SPIDR: variants seen among roughly 807,000 people sequenced by gnomAD.
SPIDR encodes the protein scaffold protein involved in DNA repair, also known as DNA repair-scaffolding protein.
In SPIDR, 93 loss-of-function variants were observed where a neutral mutation model predicts 104.6. That is an observed-to-expected ratio of 0.89 (90% CI 0.75 to 1.06). SPIDR has a LOEUF of 1.06. Ranked by LOEUF, SPIDR falls within the 50% of genes least tolerant of loss-of-function variation. The probability of loss-of-function intolerance (pLI) is 0.00; values close to 1 mark genes in which losing one functional copy is unlikely to be tolerated. For missense variants in SPIDR, 1,154 were observed against 1,111.2 expected (o/e 1.04, Z -0.55); for synonymous variants, 431 against 416.9 (o/e 1.03, Z -0.41).
chr8:47,542,697 C>T (rs2088461293), intron 8 of SPIDR, among the ~76,000 whole-genome samples: 1 of 152,080 alleles, frequency 6.6e-6, no homozygotes, highest in African/African-American at 2.4e-5. Flanking sequence ...CCTATGTATC[C>T]TTTACCCAGT....
At chr8:47,284,504 T>G (rs1305762778) in intron 3 of SPIDR, among the ~76,000 whole-genome samples, 1 of 152,186 alleles carries the variant, frequency 6.6e-6, no homozygotes, top group Non-Finnish European at 1.5e-5. Flanking sequence ...TCTTGATGAA[T>G]TAGGGAACTT....
chr8:47,417,422 C>T (rs1382369767), intron 7 of SPIDR, among the ~76,000 whole-genome samples: 1 of 152,172 alleles, frequency 6.6e-6, no homozygotes, highest in African/African-American at 2.4e-5. Flanking sequence ...GCATAAATGT[C>T]TTCTTGTGAG....
chr8:47,309,097 A>G (rs901005846), intron 5 of SPIDR, among the ~76,000 whole-genome samples: 1 of 152,204 alleles, frequency 6.6e-6, no homozygotes, highest in Non-Finnish European at 1.5e-5. Flanking sequence ...TAAGTTACCT[A>G]TAGTTGAAAG....
At chr8:47,716,439 T>A (rs1345318774) in intron 16 of SPIDR, among the ~76,000 whole-genome samples, 1 of 152,254 alleles carries the variant, frequency 6.6e-6, no homozygotes, top group Non-Finnish European at 1.5e-5. Context: ...TTTTCTCTTC[T>A]GTGCATCTCC....
intron 16 of SPIDR, among the ~76,000 whole-genome samples, chr8:47,715,966 T>C (rs975034608): frequency 6.9e-6 from 1 of 145,078 alleles, no homozygotes; most frequent in African/African-American, 2.5e-5. Context: ...TCTTTTTTCT[T>C]TTTTTTTTTT....
chr8:47,664,266 G>C (rs2074559181), intron 10 of SPIDR, among the ~76,000 whole-genome samples: 2 of 152,158 alleles, frequency 1.3e-5, no homozygotes, highest in South Asian at 4.1e-4. Context: ...ATAGGTTGGA[G>C]GCTTCATGCT....
At chr8:47,665,414 A>G (rs1362262494) in intron 10 of SPIDR, among the ~76,000 whole-genome samples, 1 of 152,236 alleles carries the variant, frequency 6.6e-6, no homozygotes, top group Non-Finnish European at 1.5e-5. Flanking sequence ...TTTCATTTTT[A>G]TAGAAACCAA....
intron 5 of SPIDR, among the ~76,000 whole-genome samples, chr8:47,312,639 A>G (rs1455375344): frequency 6.6e-6 from 1 of 152,258 alleles, no homozygotes; most frequent in South Asian, 2.1e-4. Flanking sequence ...CAGATGAGGT[A>G]GGTTGCGAAA....
intron 5 of SPIDR, among the ~76,000 whole-genome samples, chr8:47,381,937 T>G (rs1179654619): frequency 6.6e-6 from 1 of 152,262 alleles, no homozygotes; most frequent in Non-Finnish European, 1.5e-5. Flanking sequence ...TTCTACCAGC[T>G]GGGTAGCATT....
intron 5 of SPIDR, among the ~76,000 whole-genome samples, chr8:47,359,917 C>A (rs1554628711): frequency 6.6e-6 from 1 of 152,078 alleles, no homozygotes; most frequent in African/African-American, 2.4e-5. Flanking sequence ...TTTGAAAGAG[C>A]CTGGAACAAT....
At chr8:47,511,753 G>A (rs2082361170) in intron 8 of SPIDR, 2 of 1,299,366 alleles carry the variant, frequency 1.5e-6, no homozygotes, top group Admixed American at 1.7e-5. Flanking sequence ...CACAGCTACA[G>A]CTCCATGCTC....
At chr8:47,307,649 A>G (rs587606761) in intron 5 of SPIDR, among the ~76,000 whole-genome samples, 8 of 138,714 alleles carry the variant, frequency 5.8e-5, no homozygotes, top group African/African-American at 1.9e-4. Flanking sequence ...AGCGATTCTC[A>G]TGCCTCAGCC....
At chr8:47,716,420 C>G (rs2082599753) in intron 16 of SPIDR, among the ~76,000 whole-genome samples, 1 of 152,102 alleles carries the variant, frequency 6.6e-6, no homozygotes, top group Non-Finnish European at 1.5e-5. Flanking sequence ...TGTGTTGAGG[C>G]CATTTGGATT....
chr8:47,538,377 C>G lies in SPIDR; in HGVS notation c.1098-57434C>G, dbSNP rs530447179. Among the ~76,000 whole-genome samples, 29 of 152,086 alleles carry G rather than the reference C, an allele frequency of 1.9e-4. No homozygotes were observed. In the South Asian group the frequency reaches 2.5e-3, roughly 13 times the overall value. On this transcript the variant is annotated intron_variant, in intron 8 of 19. Transcript: ENST00000297423. ...TGGCCAACATGGTGAAACCCCGTCT[C>G]TACTAAAATACAAAAATTAGCTAGG...
At chr8:47,376,441 C>A (rs1351260439) in intron 5 of SPIDR, among the ~76,000 whole-genome samples, 10 of 152,156 alleles carry the variant, frequency 6.6e-5, no homozygotes, top group African/African-American at 2.4e-4. Flanking sequence ...TCATGTCATG[C>A]CCAGCCTTCT....
chr8:47,676,782 C>T (rs2076504244), intron 11 of SPIDR, among the ~76,000 whole-genome samples: 1 of 152,184 alleles, frequency 6.6e-6, no homozygotes, highest in Admixed American at 6.5e-5. Context: ...AAATATCACT[C>T]AGCCCTACCC....
At chr8:47,416,018 G>A (rs1450793814) in intron 7 of SPIDR, among the ~76,000 whole-genome samples, 11 of 152,132 alleles carry the variant, frequency 7.2e-5, no homozygotes, top group African/African-American at 2.4e-4. Flanking sequence ...GACCAAGGCC[G>A]GCAGATCACA....
intron 5 of SPIDR, among the ~76,000 whole-genome samples, chr8:47,340,600 T>C (rs1185915361): frequency 6.6e-6 from 1 of 151,942 alleles, no homozygotes; most frequent in African/African-American, 2.4e-5. Context: ...AGACCGTGTG[T>C]GAAAAAACAA....
chr8:47,515,074 G>C (rs61574278), intron 8 of SPIDR, among the ~76,000 whole-genome samples: 128 of 152,328 alleles, frequency 8.4e-4, no homozygotes, highest in African/African-American at 3.0e-3. Context: ...TCCCAGGGCA[G>C]GGTAGGGGAT....
Sources: gnomAD v4.1 joint callset for allele counts (sites outside exome capture counted in the v4.1 genomes callset) on GRCh38, gnomAD v4.1.1 for gene constraint, MANE v1.5 for transcripts, NCBI Gene and HGNC (gene_info 2026-07-23, HGNC 2026-07-21) for gene names.